Variants in CDH12 observed in about 807,000 individuals in gnomAD.
CDH12 encodes cadherin 12, also known as cadherin-12.
In CDH12, 41 loss-of-function variants were observed where a neutral mutation model predicts 74.1. The ratio of observed to expected loss-of-function variants is 0.55; its 90% CI spans 0.43 to 0.72. CDH12 has a LOEUF of 0.72. Ranked by LOEUF, CDH12 falls within the 30% of genes least tolerant of loss-of-function variation. The pLI is 0.00. For synonymous variants in CDH12, 399 were observed against 355.0 expected (o/e 1.12, Z -1.39); for missense variants, 945 against 977.2 (o/e 0.97, Z 0.44).
intron 1 of CDH12, among the ~76,000 whole-genome samples, chr5:22,720,402 T>G (rs1438706701): frequency 6.6e-6 from 1 of 152,208 alleles, no homozygotes; most frequent in Non-Finnish European, 1.5e-5. Context: ...CCTGCAGAAC[T>G]GTGAGTCAAG....
intron 3 of CDH12, among the ~76,000 whole-genome samples, chr5:22,290,995 C>T (rs1039686527): frequency 1.3e-5 from 2 of 152,042 alleles, no homozygotes; most frequent in African/African-American, 4.8e-5. Context: ...ACAAATTGAA[C>T]AGTATATTTT....
At chr5:22,299,965 T>C (rs1158357770) in intron 3 of CDH12, among the ~76,000 whole-genome samples, 1 of 152,184 alleles carries the variant, frequency 6.6e-6, no homozygotes, top group Non-Finnish European at 1.5e-5. Flanking sequence ...TATAGTAGGC[T>C]TTTACTCAAG....
intron 3 of CDH12, among the ~76,000 whole-genome samples, chr5:22,388,151 G>A (rs1742081745): frequency 6.6e-6 from 1 of 152,048 alleles, no homozygotes; most frequent in Non-Finnish European, 1.5e-5. Context: ...AATACTTCCT[G>A]AAAATATTCT....
At chr5:22,183,972 T>C (rs966767354) in intron 4 of CDH12, among the ~76,000 whole-genome samples, 2 of 151,816 alleles carry the variant, frequency 1.3e-5, no homozygotes, top group Non-Finnish European at 2.9e-5. Context: ...TCTGTCCTAA[T>C]ATATGAAGAA....
intron 4 of CDH12, among the ~76,000 whole-genome samples, chr5:22,103,188 C>T (rs1235850242): frequency 6.6e-6 from 1 of 152,172 alleles, no homozygotes; most frequent in East Asian, 1.9e-4. Flanking sequence ...TTGAATGTAT[C>T]TGGTCTCATG....
intron 3 of CDH12, among the ~76,000 whole-genome samples, chr5:22,276,886 C>G (rs1274832186): frequency 6.6e-6 from 1 of 152,140 alleles, no homozygotes; most frequent in Non-Finnish European, 1.5e-5. Flanking sequence ...GTATTTAAAT[C>G]TCACAATAAA....
rs115922392 is a variant in CDH12, at chr5:22,691,632, C to A, written c.-523+161426G>T. ...GCATCAGGCTTTAAACCTTTTCAAA[C>A]AAGATCATCTGGGCCTATAATGCCT... is the stretch of plus-strand genomic sequence containing the variant. On this transcript the variant is annotated intron_variant, in intron 1 of 14. Coordinates refer to ENST00000382254, the MANE Select transcript of CDH12 (RefSeq NM_004061.5). Among the ~76,000 whole-genome samples the A allele has an allele frequency of 7.5e-3, 1,140 of 152,276 alleles. 18 individuals carry two copies. The highest frequency in any genetic ancestry group is 0.026 in the African/African-American group (1,096 of 41,558).
chr5:22,471,143 C>T (rs1484876269), intron 2 of CDH12, among the ~76,000 whole-genome samples: 2 of 152,080 alleles, frequency 1.3e-5, no homozygotes, highest in Non-Finnish European at 2.9e-5. Context: ...CCCTAGAAAA[C>T]AGGAAGCATT....
intron 2 of CDH12, among the ~76,000 whole-genome samples, chr5:22,435,952 TA>T (rs1405587906): frequency 6.6e-6 from 1 of 151,930 alleles, no homozygotes; most frequent in Admixed American, 6.6e-5. Flanking sequence ...ATGGTGTCTT[TA>T]AAAACTCTGC....
chr5:22,235,276 A>G (rs1752522333), intron 3 of CDH12, among the ~76,000 whole-genome samples: 1 of 152,148 alleles, frequency 6.6e-6, no homozygotes, highest in Non-Finnish European at 1.5e-5. Flanking sequence ...GATTGATAAC[A>G]TCAGTTAAAA....
intron 1 of CDH12, among the ~76,000 whole-genome samples, chr5:22,529,175 A>G (rs1455601734): frequency 2.5e-5 from 2 of 79,340 alleles, no homozygotes; most frequent in East Asian, 4.1e-4. Context: ...GTATATATAT[A>G]TATATATATA....
intron 1 of CDH12, among the ~76,000 whole-genome samples, chr5:22,561,243 G>A (rs2126749713): frequency 6.6e-6 from 1 of 152,108 alleles, no homozygotes; most frequent in Non-Finnish European, 1.5e-5. Context: ...GTTATAACTG[G>A]ACTAAGAGCA....
At chr5:22,357,096 T>C (rs1019902701) in intron 3 of CDH12, among the ~76,000 whole-genome samples, 2 of 152,218 alleles carry the variant, frequency 1.3e-5, no homozygotes, top group African/African-American at 4.8e-5. Flanking sequence ...GATAGAGATA[T>C]TATTTGTATT....
intron 4 of CDH12, among the ~76,000 whole-genome samples, chr5:22,100,987 C>T (rs1744109446): frequency 6.6e-6 from 1 of 151,966 alleles, no homozygotes; most frequent in Admixed American, 6.6e-5. Flanking sequence ...TATTATTTTA[C>T]AATAGATTCT....
chr5:22,643,760 T>TC (rs70959748), intron 1 of CDH12, among the ~76,000 whole-genome samples: 1 of 116,952 alleles, frequency 8.6e-6, no homozygotes, highest in Non-Finnish European at 1.7e-5. Context: ...TTTTTTTTTT[T>TC]CCACAAATTG....
chr5:22,714,430 C>T (rs773591844), intron 1 of CDH12, among the ~76,000 whole-genome samples: 18 of 152,060 alleles, frequency 1.2e-4, no homozygotes, highest in African/African-American at 3.6e-4. Flanking sequence ...CCTCTTTCAG[C>T]GATTACTGGC....
intron 6 of CDH12, among the ~76,000 whole-genome samples, chr5:21,949,406 C>T (rs1295503047): frequency 6.7e-6 from 1 of 149,556 alleles, no homozygotes; most frequent in Non-Finnish European, 1.5e-5. Flanking sequence ...GCCGAGATCA[C>T]GCCACTGCAC....
chr5:22,628,090 C>G, intron 1 of CDH12, among the ~76,000 whole-genome samples: 1 of 151,994 alleles, frequency 6.6e-6, no homozygotes, highest in Admixed American at 6.6e-5. Flanking sequence ...AAAGGAGCAC[C>G]AAGATTCATA....
chr5:22,576,406 A>G (rs542397771), intron 1 of CDH12, among the ~76,000 whole-genome samples: 2 of 152,206 alleles, frequency 1.3e-5, no homozygotes, highest in Non-Finnish European at 2.9e-5. Context: ...TGGGACCACA[A>G]ATGCCTGTCC....
Sources: gnomAD v4.1 joint callset for allele counts (sites outside exome capture counted in the v4.1 genomes callset) on GRCh38, gnomAD v4.1.1 for gene constraint, MANE v1.5 for transcripts, NCBI Gene and HGNC (gene_info 2026-07-23, HGNC 2026-07-21) for gene names.